ASPM: variants seen among roughly 807,000 people sequenced by gnomAD.
The protein encoded by ASPM is abnormal spindle-like microcephaly-associated protein.
ASPM carries 256 observed loss-of-function variants against 366.4 expected under a neutral mutation model. The observed-to-expected ratio is 0.70, with a 90% CI of 0.63 to 0.77. The LOEUF is 0.77. Among genes scored for constraint, ASPM ranks in the 30% least tolerant of loss-of-function variants. The probability of loss-of-function intolerance (pLI) is 0.00; values close to 1 mark genes in which losing one functional copy is unlikely to be tolerated. For synonymous variants in ASPM, 1,414 were observed against 1,342.9 expected (o/e 1.05, Z -1.16); for missense variants, 4,146 against 4,090.4 (o/e 1.01, Z -0.37).
chr1:197,093,795 AT>A (rs1656869270), intron 20 of ASPM, among the ~76,000 whole-genome samples: 1 of 151,840 alleles, frequency 6.6e-6, no homozygotes, highest in Non-Finnish European at 1.5e-5. Flanking sequence ...GAAACCTTTA[AT>A]TTATAAAAAA....
At chr1:197,111,573 G>A (rs991270654) in intron 17 of ASPM, among the ~76,000 whole-genome samples, 4 of 152,098 alleles carry the variant, frequency 2.6e-5, no homozygotes, top group East Asian at 1.9e-4. Context: ...AACCCACTAC[G>A]GGGTATATAC....
chr1:197,090,253 G>T lies in ASPM; in HGVS notation c.9772C>A (p.His3258Asn). The change falls in exon 24 of 28, where the codon CAT (histidine) becomes AAT (asparagine). Residue 3258 changes from histidine (H) to asparagine (N), a missense_variant. His to Asn is a moderately conservative substitution (Grantham distance 68). Coordinates refer to ENST00000367409, the MANE Select transcript of ASPM (RefSeq NM_018136.5). ...KLYKRTALALHYLLTYKHLSA... is the reference protein window; with the variant it reads ...KLYKRTALALNYLLTYKHLSA... ...AGGTGCTTATATGTCAAAAGGTAAT[G>T]AAGTGCAAGTGCAGTTCTTTTGTAG... 6.2e-7 allele frequency: 1 copy of T among 1,613,428 alleles called. No individual in the cohort carries two copies. The highest frequency in any genetic ancestry group is 2.2e-5 in the East Asian group (1 of 44,802).
chr1:197,099,448 T>C (rs1571595938), intron 18 of ASPM, among the ~76,000 whole-genome samples: 1 of 151,720 alleles, frequency 6.6e-6, no homozygotes, highest in Admixed American at 6.6e-5. Flanking sequence ...CTTCTATACC[T>C]TTTACTGGGC....
intron 25 of ASPM, among the ~76,000 whole-genome samples, chr1:197,089,139 G>A (rs1385519527): frequency 6.6e-6 from 1 of 151,938 alleles, no homozygotes; most frequent in Non-Finnish European, 1.5e-5. Flanking sequence ...AAAGTACAGA[G>A]AAGCTAAGTA....
At chr1:197,107,714 A>C (rs140452234) in intron 17 of ASPM, among the ~76,000 whole-genome samples, 130 of 152,272 alleles carry the variant, frequency 8.5e-4, no homozygotes, top group African/African-American at 2.9e-3. Context: ...AAAGACATCA[A>C]AGATATGAGT....
intron 10 of ASPM, among the ~76,000 whole-genome samples, chr1:197,127,653 A>G (rs1160388194): frequency 1.3e-5 from 2 of 152,206 alleles, no homozygotes; most frequent in African/African-American, 4.8e-5. Context: ...GCTATCCATC[A>G]TACATACCAA....
At position 197,100,946 on chromosome 1, in the gene ASPM, T is replaced by G; in HGVS notation, c.8305A>C (p.Ile2769Leu). 6.2e-7 allele frequency: 1 copy of G among 1,612,718 alleles called. No homozygotes were observed. Residue 2769 changes from isoleucine (I) to leucine (L), a missense_variant, in exon 18 of 28, where the codon ATT becomes CTT. Around this residue, in one of 3 missense-constraint regions of ASPM, gnomAD observed 3,624 missense variants for 3,591.7 expected, o/e 1.01. Coordinates refer to ENST00000367409, the MANE Select transcript of ASPM (RefSeq NM_018136.5). ...KNVSEEKMAA[I>L]VNQSALCCYR... is the part of the protein sequence containing the mutation. Reference sequence around the variant, plus strand: ...CAGCAGAGTGCAGATTGGTTAACAATGGCTGCCATCTTTTCCTCTGATACA... The same window carrying G: ...CAGCAGAGTGCAGATTGGTTAACAAGGGCTGCCATCTTTTCCTCTGATACA...
chr1:197,109,787 G>T (rs1318328186), intron 17 of ASPM, among the ~76,000 whole-genome samples: 2 of 151,854 alleles, frequency 1.3e-5, no homozygotes, highest in African/African-American at 4.8e-5. Flanking sequence ...ATATGTTAAA[G>T]GGTTAACATA....
chr1:197,084,292 T>C lies in ASPM; in HGVS notation c.*32A>G, dbSNP rs1197275373. On this transcript the variant is annotated 3_prime_UTR_variant, in exon 28 of 28. Transcript: ENST00000367409. The stretch of plus-strand genomic sequence containing the variant: ...CTCATGATTGGCTTTAATATTTCTT[T>C]ACACTATACATACTGAAAATGTTTA... 1.3e-6 allele frequency: 2 copies of C among 1,489,146 alleles called. No homozygotes were observed. Among genetic ancestry groups the C allele is most frequent in the Non-Finnish European group, 1.9e-6 (2 of 1,067,738 alleles). The allele number at this position is 1,489,146 out of a possible 1,614,324, so 92.2% of individuals were successfully genotyped here.
chr1:197,124,319 G>C lies in ASPM; in HGVS notation c.3181C>G (p.Leu1061Val). ...TCTTCCTTTAATTGATCTAAGTTAA[G>C]GGAAATATCCACCTAAAACAAACAC... ...IAFAFQVDIS[L>V]NLDQLKEEIA... Residue 1061 changes from leucine (L) to valine (V), a missense_variant, in exon 13 of 28, where the codon CTT becomes GTT. Leu to Val is a conservative substitution (Grantham distance 32). This residue lies in a region of ASPM where 3,624 missense variants were observed against 3,591.7 expected (regional missense o/e 1.01). Transcript: ENST00000367409. 6.4e-7 allele frequency: 1 copy of C among 1,572,454 alleles called. No individual in the cohort carries two copies. The highest frequency in any genetic ancestry group is 8.7e-7 in the Non-Finnish European group (1 of 1,145,156).
chr1:197,117,646 T>C (rs1657775904), intron 17 of ASPM, 143 bp downstream of exon 17: 11 of 736,862 alleles, frequency 1.5e-5, no homozygotes, highest in Non-Finnish European at 2.4e-5. Flanking sequence ...AACGAGCTTT[T>C]CAGGTAGTAA....
At chr1:197,131,920 A>C (rs1658266827) in intron 7 of ASPM, among the ~76,000 whole-genome samples, 1 of 152,092 alleles carries the variant, frequency 6.6e-6, no homozygotes, top group Non-Finnish European at 1.5e-5. Context: ...AATAATACAT[A>C]CTTCACTGGG....
intron 17 of ASPM, among the ~76,000 whole-genome samples, chr1:197,111,012 C>T (rs1657567253): frequency 6.6e-6 from 1 of 152,016 alleles, no homozygotes; most frequent in Admixed American, 6.6e-5. Flanking sequence ...AAATACTACT[C>T]CGGATATCAG....
chr1:197,084,208 T>G lies in ASPM; in HGVS notation c.*116A>C, dbSNP rs571248852. The G allele has an allele frequency of 1.3e-6, 1 of 747,472 alleles. No homozygotes were observed. The highest frequency in any genetic ancestry group is 2.7e-5 in the East Asian group (1 of 37,574). 46.3% of individuals were successfully genotyped at this position (747,472 alleles called of 1,614,324 possible). The stretch of plus-strand genomic sequence containing the variant: ...AGAATGTAATGAACAGTTTATGTTT[T>G]TTTAAAACAAAGTCAGATTTTAAAA... On this transcript the variant is annotated 3_prime_UTR_variant, in exon 28 of 28. Coordinates refer to ENST00000367409, the MANE Select transcript of ASPM (RefSeq NM_018136.5).
chr1:197,122,980 T>C (rs1030728970), intron 13 of ASPM, among the ~76,000 whole-genome samples: 1 of 152,180 alleles, frequency 6.6e-6, no homozygotes, highest in Non-Finnish European at 1.5e-5. Flanking sequence ...AGGAGAAATA[T>C]AAGGTTAGTG....
rs1448067516 is a variant in ASPM, at chr1:197,138,609, C to A, written c.2026+1158G>T. The A allele has an allele frequency of 9.2e-6, 4 of 435,330 alleles. No individual in the cohort carries two copies. In the Admixed American group the frequency reaches 1.1e-4, roughly 12 times the overall value. The allele number at this position is 435,330 out of a possible 1,614,324, so 27.0% of individuals were successfully genotyped here. A position where few individuals can be genotyped will look rare whatever the true frequency, so the allele number is the denominator to read the frequency against. Reference sequence around the variant, plus strand: ...CACCACGCCCCACTAGGAGTTCACACTTTAGTTAGGGAAAATATACAATAA... The same window carrying A: ...CACCACGCCCCACTAGGAGTTCACAATTTAGTTAGGGAAAATATACAATAA... On this transcript the variant is annotated intron_variant, in intron 4 of 27. Transcript: ENST00000367409.
At chr1:197,092,886 G>A (rs1656828765) in intron 21 of ASPM, among the ~76,000 whole-genome samples, 166 bp downstream of exon 21, 1 of 151,812 alleles carries the variant, frequency 6.6e-6, no homozygotes, top group Non-Finnish European at 1.5e-5. Context: ...AAAAAAATTT[G>A]ACAGTCAGTG....
In ASPM at chr1:197,103,509, C is replaced by A. The variant is rs886045771; in HGVS notation, c.5742G>T (p.Gln1914His). The change falls in exon 18 of 28, where the codon CAG becomes CAT. Residue 1914 changes from glutamine to histidine, a missense_variant. This residue lies in a region of ASPM where 3,624 missense variants were observed against 3,591.7 expected (regional missense o/e 1.01). Coordinates refer to ENST00000367409, the MANE Select transcript of ASPM (RefSeq NM_018136.5). ...IQSAFRMAKA[Q>H]KQFRLFKTAA... ...CTGTTTTAAACAATCTAAACTGTTT[C>A]TGGGCCTTGGCCATTCTAAAAGCAG... The A allele has an allele frequency of 6.2e-7, 1 of 1,613,154 alleles. No individual in the cohort carries two copies. The highest frequency in any genetic ancestry group is 1.6e-4 in the Middle Eastern group (1 of 6,062).
At chr1:197,137,132 T>G (rs1197756150) in intron 4 of ASPM, among the ~76,000 whole-genome samples, 1 of 152,158 alleles carries the variant, frequency 6.6e-6, no homozygotes, top group Admixed American at 6.5e-5. Flanking sequence ...TGGATTAAGA[T>G]GAAAGAATGA....
Sources: gnomAD v4.1 joint callset for allele counts (sites outside exome capture counted in the v4.1 genomes callset) on GRCh38, gnomAD v4.1.1 for gene constraint, gnomAD v4.1.1 regional missense constraint, MANE v1.5 for transcripts, NCBI Gene and HGNC (gene_info 2026-07-23, HGNC 2026-07-21) for gene names.